Variants in GALNT8 observed in about 807,000 individuals in gnomAD.
GALNT8 encodes the protein probable polypeptide N-acetylgalactosaminyltransferase 8.
GALNT8 carries 66 observed loss-of-function variants against 62.7 expected under a neutral mutation model. That is an observed-to-expected ratio of 1.05 (90% CI 0.86 to 1.29). The LOEUF (loss-of-function observed/expected upper bound fraction) is 1.29, where lower values mean the gene tolerates loss of function less well. GALNT8 is among the 50% of genes most tolerant of loss of function. The pLI is 0.00. For missense variants in GALNT8, 771 were observed against 791.8 expected (o/e 0.97, Z 0.32); for synonymous variants, 288 against 294.3 (o/e 0.98, Z 0.22).
intron 2 of GALNT8, among the ~76,000 whole-genome samples, chr12:4,730,838 C>T (rs1360137879): frequency 6.6e-6 from 1 of 151,676 alleles, no homozygotes; most frequent in African/African-American, 2.4e-5. Context: ...ATTCTTCCAA[C>T]CCCTGAACCT....
intron 1 of GALNT8, among the ~76,000 whole-genome samples, chr12:4,722,809 G>A (rs1946176982): frequency 6.6e-6 from 1 of 152,048 alleles, no homozygotes; most frequent in African/African-American, 2.4e-5. Context: ...GCTGGGAGAT[G>A]GGTGGAAGGA....
intron 9 of GALNT8, 149 bp downstream of exon 9, chr12:4,764,196 G>A: frequency 1.5e-6 from 1 of 652,198 alleles, no homozygotes; most frequent in Non-Finnish European, 2.8e-6. Context: ...ACCTGCACTT[G>A]TAACTGAGCA....
Position 4,768,814 on chromosome 12 carries a change from A to C in GALNT8, c.1761+3268A>C, listed in dbSNP as rs567110701. ...AGATATGAAAAATGATACTTGATTG[A>C]ATGTTGGGCTCTTCTGGTTCTCACT... On this transcript the variant is annotated intron_variant, in intron 10 of 10. Transcript: ENST00000252318. Among the ~76,000 whole-genome samples, 6 of 152,318 alleles carry C rather than the reference A, an allele frequency of 3.9e-5. No individual in the cohort carries two copies. In the South Asian group the frequency reaches 1.2e-3, roughly 32 times the overall value.
chr12:4,721,023 A>G (rs1167821258), intron 1 of GALNT8, 135 bp downstream of exon 1: 6 of 640,828 alleles, frequency 9.4e-6, no homozygotes, highest in African/African-American at 3.6e-5. Context: ...AGCATCTGAC[A>G]CTGAATTCTG....
chr12:4,755,859 A>T (rs1169525712), intron 6 of GALNT8, among the ~76,000 whole-genome samples: 1 of 152,240 alleles, frequency 6.6e-6, no homozygotes, highest in African/African-American at 2.4e-5. Flanking sequence ...ATCAATTCTC[A>T]CAGATTTGCA....
chr12:4,743,450 G>C (rs989354851), intron 3 of GALNT8, among the ~76,000 whole-genome samples: 8 of 152,198 alleles, frequency 5.3e-5, no homozygotes, highest in Admixed American at 5.2e-4. Context: ...TAGTCACTTA[G>C]GTGTTGATTC....
chr12:4,759,093 T>C (rs1185905951), intron 6 of GALNT8, among the ~76,000 whole-genome samples: 1 of 152,214 alleles, frequency 6.6e-6, no homozygotes, highest in Non-Finnish European at 1.5e-5. Flanking sequence ...TCTTGACTTT[T>C]AACTTGAATT....
chr12:4,756,149 T>C (rs1378854462), intron 6 of GALNT8, among the ~76,000 whole-genome samples: 2 of 152,242 alleles, frequency 1.3e-5, no homozygotes, highest in Non-Finnish European at 2.9e-5. Context: ...AAATATCATT[T>C]CCACAGTATC....
At chr12:4,722,959 G>A (rs1211241269) in intron 1 of GALNT8, among the ~76,000 whole-genome samples, 4 of 152,012 alleles carry the variant, frequency 2.6e-5, no homozygotes, top group African/African-American at 9.7e-5. Context: ...GAGAGTGAAA[G>A]AGTTTGTATG....
Position 4,726,447 on chromosome 12 carries a change from G to C in GALNT8, c.212-85G>C. ...AAGATGTAGTGGGTAAACCGTTAGA[G>C]GAAATTAGGATGGAAAGGAATACCC... On this transcript the variant is annotated intron_variant, in intron 1 of 10. Coordinates refer to ENST00000252318, the MANE Select transcript of GALNT8 (RefSeq NM_017417.2). The surrounding 1 kb of genome is among the most constrained non-coding windows in gnomAD (Gnocchi z 4.1). The C allele has an allele frequency of 1.1e-6, 1 of 915,398 alleles. No individual in the cohort carries two copies. Among genetic ancestry groups the C allele is most frequent in the Non-Finnish European group, 1.7e-6 (1 of 593,086 alleles). 56.7% of individuals were successfully genotyped at this position (915,398 alleles called of 1,614,324 possible).
At chr12:4,755,929 C>T (rs1333301659) in intron 6 of GALNT8, among the ~76,000 whole-genome samples, 1 of 152,120 alleles carries the variant, frequency 6.6e-6, no homozygotes, top group African/African-American at 2.4e-5. Context: ...GGGGCTCAGG[C>T]AAATGTGGGA....
At chr12:4,721,966 T>G (rs1362332061) in intron 1 of GALNT8, among the ~76,000 whole-genome samples, 1 of 152,098 alleles carries the variant, frequency 6.6e-6, no homozygotes, top group Non-Finnish European at 1.5e-5. Flanking sequence ...TTAACGAGCA[T>G]GCTGCCTTCA....
intron 3 of GALNT8, among the ~76,000 whole-genome samples, chr12:4,742,173 TGCTA>T (rs1400644234): frequency 1.3e-5 from 2 of 152,196 alleles, no homozygotes; most frequent in African/African-American, 4.8e-5. Context: ...TCCCATTACA[TGCTA>T]GCTAGTGTTC....
Position 4,763,998 on chromosome 12 carries a change from TTC to T in GALNT8, c.1545_1546del (p.Pro516ArgfsTer11). On this transcript the variant is annotated frameshift_variant, in exon 9 of 11. Coordinates refer to ENST00000252318, the MANE Select transcript of GALNT8 (RefSeq NM_017417.2). LOFTEE classifies it high-confidence loss of function. ...AATGTCTGCTTGGATCAGGGACCCG[TTC>T]CAGGCAACACCCCCATCATGTATTA... 1.2e-6 allele frequency: 2 copies of T among 1,601,524 alleles called. No homozygotes were observed. Among genetic ancestry groups the T allele is most frequent in the Non-Finnish European group, 1.7e-6 (2 of 1,168,320 alleles).
chr12:4,758,631 TGTGTGTGAGAGAGAGAGAGAGAGA>T (rs1425374181), intron 6 of GALNT8, among the ~76,000 whole-genome samples: 33 of 93,068 alleles, frequency 3.5e-4, no homozygotes, highest in African/African-American at 1.4e-3. Context: ...TGTGTGTGTG[TGTGTGTGAGAGAGAGAGAGAGAGA>T]GAGAGAGAGA....
At chr12:4,764,077 T>C in intron 9 of GALNT8, 30 bp downstream of exon 9, 3 of 1,213,134 alleles carry the variant, frequency 2.5e-6, no homozygotes, top group Non-Finnish European at 3.7e-6. Flanking sequence ...TGGCCCTGCC[T>C]GGGCAAGTCT....
rs753861551 is a variant in GALNT8, at chr12:4,746,140, G to A, written c.1059-4G>A. On this transcript the variant is annotated splice_region_variant and splice_polypyrimidine_tract_variant and intron_variant, in intron 5 of 10. Transcript: ENST00000252318. ...ATTAGTGACTCTTGCTGTGTGCTCT[G>A]TAGGAGTCCTTCAATCATGGGCATC... is the stretch of plus-strand genomic sequence containing the variant. 1.3e-6 allele frequency: 2 copies of A among 1,553,176 alleles called. No homozygotes were observed. Among genetic ancestry groups the A allele is most frequent in the Admixed American group, 1.7e-5 (1 of 59,944 alleles).
In GALNT8 at chr12:4,726,659, A is replaced by T. The variant is rs780388433; in HGVS notation, c.339A>T (p.Lys113Asn). Residue 113 changes from lysine (K) to asparagine (N), a missense_variant, in exon 2 of 11, where the codon AAA becomes AAT. By Grantham distance (94) the Lys-to-Asn change is moderately conservative (BLOSUM62 0). Coordinates refer to ENST00000252318, the MANE Select transcript of GALNT8 (RefSeq NM_017417.2). This position sits in a 1 kb window ranked among gnomAD's most constrained non-coding sequence, Gnocchi z 4.1. Reference sequence around the variant, plus strand: ...AGGTGAATGAGACAAAGAAGCACAAAACCCAAATGAAACTCTTCCCACACT... The same window carrying T: ...AGGTGAATGAGACAAAGAAGCACAATACCCAAATGAAACTCTTCCCACACT... The part of the protein sequence containing the change: ...ETKVNETKKH[K>N]TQMKLFPHSQ... The T allele has an allele frequency of 6.2e-7, 1 of 1,613,962 alleles. No individual in the cohort carries two copies. The highest frequency in any genetic ancestry group is 1.7e-5 in the Admixed American group (1 of 59,992).
chr12:4,730,192 T>C (rs573394695), intron 2 of GALNT8, among the ~76,000 whole-genome samples: 10 of 152,324 alleles, frequency 6.6e-5, no homozygotes, highest in Admixed American at 3.3e-4. Flanking sequence ...TTTTTTTCCT[T>C]GCTGTGTAGA....
Sources: gnomAD v4.1 joint callset for allele counts (sites outside exome capture counted in the v4.1 genomes callset) on GRCh38, gnomAD v4.1.1 for gene constraint, Gnocchi (gnomAD v3.1) non-coding constraint, MANE v1.5 for transcripts, NCBI Gene and HGNC (gene_info 2026-07-23, HGNC 2026-07-21) for gene names.